STRIP2: variants seen among roughly 807,000 people sequenced by gnomAD.
STRIP2 encodes striatin-interacting protein 2.
Under a neutral mutation model 107.1 loss-of-function variants are expected in STRIP2, and 84 were observed. The ratio of observed to expected loss-of-function variants is 0.78; its 90% CI spans 0.66 to 0.94. STRIP2 has a LOEUF of 0.94. Among genes scored for constraint, STRIP2 ranks in the 40% least tolerant of loss-of-function variants. STRIP2 has a pLI of 0.00. For missense variants in STRIP2, 888 were observed against 1,034.2 expected, an observed-to-expected ratio of 0.86 and a Z score of 1.94; for synonymous variants, 394 against 400.4, an observed-to-expected ratio of 0.98 and a Z score of 0.19.
chr7:129,446,560 A>T (rs1319497475), intron 3 of STRIP2, among the ~76,000 whole-genome samples: 1 of 152,178 alleles, frequency 6.6e-6, no homozygotes, highest in African/African-American at 2.4e-5. Context: ...TGTCCTAGAA[A>T]GGGGCTGTAG....
intron 2 of STRIP2, among the ~76,000 whole-genome samples, chr7:129,443,177 C>T (rs993311112): frequency 2.0e-5 from 3 of 151,896 alleles, no homozygotes; most frequent in Admixed American, 6.6e-5. Flanking sequence ...GTAGCTAGGA[C>T]TACAGTCATG....
At chr7:129,449,388 A>G (rs908787163) in intron 3 of STRIP2, among the ~76,000 whole-genome samples, 6 of 152,178 alleles carry the variant, frequency 3.9e-5, no homozygotes, top group Non-Finnish European at 1.5e-5. Context: ...AGAACCAAAC[A>G]AAGGTGTTGA....
chr7:129,462,043 G>A lies in STRIP2; in HGVS notation c.1477-923G>A, dbSNP rs112489214. Among the ~76,000 whole-genome samples the A allele has an allele frequency of 6.7e-3, 1,019 of 152,304 alleles. 12 individuals carry two copies. Among genetic ancestry groups the A allele is most frequent in the African/African-American group, 0.024 (984 of 41,562 alleles). On this transcript the variant is annotated intron_variant, in intron 13 of 20. Transcript: ENST00000249344. ...TTGGTAGATTTGGTGTTGAGAAGAT[G>A]AGTGTGTGCCTGTCTGATTGCTTCT... is the stretch of plus-strand genomic sequence containing the variant.
At chr7:129,435,465 T>TA (rs1375789783) in intron 1 of STRIP2, among the ~76,000 whole-genome samples, 2 of 151,858 alleles carry the variant, frequency 1.3e-5, no homozygotes, top group African/African-American at 2.4e-5. Flanking sequence ...TTTACAGACC[T>TA]AAAAAAAAGA....
At chr7:129,462,332 G>C (rs1375888358) in intron 13 of STRIP2, among the ~76,000 whole-genome samples, 3 of 152,228 alleles carry the variant, frequency 2.0e-5, no homozygotes, top group Non-Finnish European at 4.4e-5. Flanking sequence ...CCCTGTAATA[G>C]AGGGACCTTG....
chr7:129,459,250 A>C (rs968014690), intron 11 of STRIP2, among the ~76,000 whole-genome samples: 6 of 152,156 alleles, frequency 3.9e-5, no homozygotes, highest in Non-Finnish European at 7.3e-5. Flanking sequence ...ATACCCTTTT[A>C]AGTAGGAACC....
intron 9 of STRIP2, among the ~76,000 whole-genome samples, chr7:129,457,172 A>C (rs1410340704): frequency 6.6e-6 from 1 of 152,190 alleles, no homozygotes; most frequent in African/African-American, 2.4e-5. Flanking sequence ...CAATCTGAAA[A>C]ATGTGTCATT....
chr7:129,453,811 C>T (rs959544648), intron 5 of STRIP2, among the ~76,000 whole-genome samples: 6 of 152,166 alleles, frequency 3.9e-5, no homozygotes, highest in African/African-American at 1.4e-4. Context: ...GTCTCATGCC[C>T]ATCACCCAGG....
intron 1 of STRIP2, among the ~76,000 whole-genome samples, chr7:129,439,636 G>A (rs542104150): frequency 6.6e-6 from 1 of 152,268 alleles, no homozygotes; most frequent in Non-Finnish European, 1.5e-5. Context: ...GTGGGTTGAT[G>A]ACAGAACTGA....
chr7:129,435,033 C>G (rs1240088360), intron 1 of STRIP2, among the ~76,000 whole-genome samples: 3 of 152,290 alleles, frequency 2.0e-5, no homozygotes, highest in East Asian at 3.9e-4. Context: ...GTGGGGCAAC[C>G]GCAGTCCCCC....
At chr7:129,460,277 T>C (rs747200415) in intron 12 of STRIP2, 24 bp from the exon 13 acceptor site, 6 of 1,608,836 alleles carry the variant, frequency 3.7e-6, no homozygotes, top group Non-Finnish European at 5.1e-6. Flanking sequence ...TCAGCCCTTG[T>C]TGATGTCTTC....
rs1799180011 is a variant in STRIP2, at chr7:129,483,599, T to C, written c.2254+553T>C. 6.5e-6 allele frequency: 1 copy of C among 153,076 alleles called. No individual in the cohort carries two copies. Among genetic ancestry groups the C allele is most frequent in the African/African-American group, 2.4e-5 (1 of 41,472 alleles). The allele number at this position is 153,076 out of a possible 1,614,324, so 9.5% of individuals were successfully genotyped here. A position where few individuals can be genotyped will look rare whatever the true frequency, so the allele number is the denominator to read the frequency against. On this transcript the variant is annotated intron_variant, in intron 20 of 20. Transcript: ENST00000249344. The surrounding 1 kb of genome is among the most constrained non-coding windows in gnomAD (Gnocchi z 5.1). ...TCTCTACCTTTTCATGTCAGTACATTTTCATTTCATCTAATAAAGTTCATA... is the reference window on the plus strand; with the variant it reads ...TCTCTACCTTTTCATGTCAGTACATCTTCATTTCATCTAATAAAGTTCATA...
At chr7:129,454,860 G>A (rs2150998527) in intron 7 of STRIP2, among the ~76,000 whole-genome samples, 1 of 152,340 alleles carries the variant, frequency 6.6e-6, no homozygotes, top group African/African-American at 2.4e-5. Context: ...CTGTTCAAAT[G>A]TAAGTTGGTG....
chr7:129,436,717 T>C (rs956569544), intron 1 of STRIP2, among the ~76,000 whole-genome samples: 1 of 152,116 alleles, frequency 6.6e-6, no homozygotes, highest in Non-Finnish European at 1.5e-5. Context: ...GGAGATGGGA[T>C]TTTTTTCCTC....
intron 17 of STRIP2, among the ~76,000 whole-genome samples, chr7:129,467,902 G>A (rs577068743): frequency 9.2e-5 from 14 of 152,176 alleles, no homozygotes; most frequent in African/African-American, 3.1e-4. Context: ...TCAATTTGTA[G>A]TTTAAAAAAA....
chr7:129,458,361 C>A lies in STRIP2; in HGVS notation c.1185C>A (p.Asp395Glu). Residue 395 changes from aspartate (D) to glutamate (E), a missense_variant, in exon 10 of 21, where the codon GAC (aspartate) becomes GAA (glutamate). Physicochemically the swap from Asp to Glu is conservative, Grantham distance 45. Transcript: ENST00000249344. The surrounding 1 kb of genome is among the most constrained non-coding windows in gnomAD (Gnocchi z 4.6). ...GAGAGCTAGACCTGCTAGAGCAGGA[C>A]CCTCTGGTGCCACCTCCACCCTCAC... is the stretch of plus-strand genomic sequence containing the variant. ...LDGELDLLEQ[D>E]PLVPPPPSQA... 1 of 1,614,058 alleles carries A rather than the reference C, an allele frequency of 6.2e-7. No individual in the cohort carries two copies.
At chr7:129,435,440 G>A (rs1797709396) in intron 1 of STRIP2, among the ~76,000 whole-genome samples, 1 of 152,114 alleles carries the variant, frequency 6.6e-6, no homozygotes, top group Non-Finnish European at 1.5e-5. Context: ...ATATCATCTG[G>A]TATAACCCTT....
intron 3 of STRIP2, among the ~76,000 whole-genome samples, chr7:129,448,845 A>G (rs547105067): frequency 6.6e-6 from 1 of 152,320 alleles, no homozygotes; most frequent in East Asian, 1.9e-4. Context: ...GCATAAGGAG[A>G]AAAGCAATTA....
intron 1 of STRIP2, among the ~76,000 whole-genome samples, chr7:129,438,585 C>T (rs1343209289): frequency 3.3e-5 from 5 of 152,160 alleles, no homozygotes; most frequent in African/African-American, 4.8e-5. Flanking sequence ...AATTCGCTGA[C>T]ACCAACTGGA....
Sources: allele counts gnomAD v4.1 joint callset (sites outside exome capture counted in the v4.1 genomes callset), GRCh38; gene constraint gnomAD v4.1.1; non-coding constraint Gnocchi (gnomAD v3.1); transcripts MANE v1.5; gene names NCBI Gene and HGNC (gene_info 2026-07-23, HGNC 2026-07-21).